The following CENPP variants were observed in gnomAD, a reference collection of about 807,000 sequenced individuals.
CENPP encodes centromere protein P.
In CENPP, 24 loss-of-function variants were observed where a neutral mutation model predicts 35.6. The ratio of observed to expected loss-of-function variants is 0.67; its 90% CI spans 0.49 to 0.95. The LOEUF (loss-of-function observed/expected upper bound fraction) is 0.95, where lower values mean the gene tolerates loss of function less well. CENPP is among the 40% of genes least tolerant of loss of function. The pLI is 0.00. For missense variants in CENPP, 332 were observed against 345.3 expected, an observed-to-expected ratio of 0.96 and a Z score of 0.31; for synonymous variants, 120 against 125.5, an observed-to-expected ratio of 0.96 and a Z score of 0.29.
chr9:92,563,527 C>A (rs368644671), intron 5 of CENPP, among the ~76,000 whole-genome samples: 1 of 152,122 alleles, frequency 6.6e-6, no homozygotes, highest in Non-Finnish European at 1.5e-5. Flanking sequence ...ACAGTGTGAT[C>A]ATTTCTGTGA....
At chr9:92,515,841 A>C (rs1174694756) in intron 5 of CENPP, among the ~76,000 whole-genome samples, 2 of 152,218 alleles carry the variant, frequency 1.3e-5, no homozygotes, top group Admixed American at 1.3e-4. Flanking sequence ...TACAAATGAC[A>C]TTCTGGACTT....
At chr9:92,473,720 G>T (rs1845609507) in intron 5 of CENPP, among the ~76,000 whole-genome samples, 1 of 152,092 alleles carries the variant, frequency 6.6e-6, no homozygotes, top group Admixed American at 6.5e-5. Flanking sequence ...GCTCGTATTA[G>T]TCTCCCCTTT....
intron 5 of CENPP, among the ~76,000 whole-genome samples, chr9:92,588,200 A>G (rs1850584678): frequency 6.6e-6 from 1 of 152,080 alleles, no homozygotes; most frequent in Non-Finnish European, 1.5e-5. Context: ...TATAAAAATA[A>G]AAATTTAAAG....
rs61738525 is a variant in CENPP at position 92,457,429 on chromosome 9, T to C, written c.564+77570T>C. On this transcript the variant is annotated intron_variant, in intron 5 of 7. Transcript: ENST00000375587. ...AAGATTTCTTCATCTTTGGCACTGTTGGACAGAAGTCATTTACTCCCACTC... is the reference window on the plus strand; with the variant it reads ...AAGATTTCTTCATCTTTGGCACTGTCGGACAGAAGTCATTTACTCCCACTC... 6.0e-4 allele frequency: 975 copies of C among 1,613,820 alleles called. 6 individuals carry two copies. In the African/African-American group the frequency reaches 0.011, roughly 18 times the overall value.
intron 5 of CENPP, chr9:92,457,303 C>G: frequency 1.2e-6 from 2 of 1,613,810 alleles, no homozygotes; most frequent in Non-Finnish European, 1.7e-6. Context: ...TTCCAAAGTT[C>G]CCAAGCTGAA....
intron 5 of CENPP, among the ~76,000 whole-genome samples, chr9:92,599,750 T>C (rs972331456): frequency 1.3e-5 from 2 of 152,130 alleles, no homozygotes; most frequent in African/African-American, 2.4e-5. Context: ...TTTCCTCCTG[T>C]TTCTCAGAGT....
chr9:92,428,134 A>C (rs748860451), intron 5 of CENPP, among the ~76,000 whole-genome samples: 1 of 152,200 alleles, frequency 6.6e-6, no homozygotes, highest in African/African-American at 2.4e-5. Flanking sequence ...CTCTTAGTCT[A>C]TCTGCTCCCA....
intron 5 of CENPP, among the ~76,000 whole-genome samples, chr9:92,506,565 G>A (rs1000568103): frequency 6.6e-6 from 1 of 152,158 alleles, no homozygotes; most frequent in Non-Finnish European, 1.5e-5. Context: ...CCCTTCATGG[G>A]CATTGCACCG....
Position 92,619,121 on chromosome 9 carries a change from C to A in CENPP, c.*5972C>A, listed in dbSNP as rs761956373. On this transcript the variant is annotated 3_prime_UTR_variant, in exon 8 of 8. Coordinates refer to ENST00000375587, the MANE Select transcript of CENPP (RefSeq NM_001012267.3). The stretch of plus-strand genomic sequence containing the variant: ...GCGCCATGCTGCCACTGTGGGAGAC[C>A]GAGGAACAAGGGCCACAGGTACCCA... 1.3e-5 allele frequency: 3 copies of A among 237,538 alleles called. No individual in the cohort carries two copies. The highest frequency in any genetic ancestry group is 8.4e-6 in the Non-Finnish European group (1 of 119,440). 14.7% of individuals were successfully genotyped at this position (237,538 alleles called of 1,614,324 possible). A position where few individuals can be genotyped will look rare whatever the true frequency, so the allele number is the denominator to read the frequency against.
chr9:92,438,198 T>A (rs1844295088), intron 5 of CENPP, among the ~76,000 whole-genome samples: 1 of 152,230 alleles, frequency 6.6e-6, no homozygotes, highest in African/African-American at 2.4e-5. Flanking sequence ...TTTTCCTGTT[T>A]CTTCCAGAAG....
intron 5 of CENPP, among the ~76,000 whole-genome samples, chr9:92,453,525 T>C (rs1844779052): frequency 6.6e-6 from 1 of 152,182 alleles, no homozygotes; most frequent in Non-Finnish European, 1.5e-5. Flanking sequence ...TCCAACTATA[T>C]GGTCAATTTT....
At chr9:92,479,486 C>G (rs1845835202) in intron 5 of CENPP, among the ~76,000 whole-genome samples, 1 of 152,116 alleles carries the variant, frequency 6.6e-6, no homozygotes, top group Admixed American at 6.5e-5. Context: ...GAGATGAAGA[C>G]CTTTGAAACA....
At chr9:92,600,219 A>G in intron 5 of CENPP, 1 of 1,249,622 alleles carries the variant, frequency 8.0e-7, no homozygotes, top group Non-Finnish European at 1.0e-6. Context: ...GTTCCATACA[A>G]GAACAGAAGG....
chr9:92,325,971 C>A lies in CENPP; in HGVS notation c.-28C>A, dbSNP rs376393383. ...GCAGGTCGGAGTGACAGCTGCGCTG[C>A]CGGCCCGGCTGCGGTCAGCAACGCG... On this transcript the variant is annotated 5_prime_UTR_variant, in exon 1 of 8. Transcript: ENST00000375587. 1,682 of 1,536,754 alleles carry A rather than the reference C, an allele frequency of 1.1e-3. 7 individuals are homozygous for A. The Middle Eastern group carries it at 0.02, about 18-fold the overall frequency.
intron 5 of CENPP, among the ~76,000 whole-genome samples, chr9:92,594,631 C>A (rs1461869957): frequency 6.6e-6 from 1 of 152,022 alleles, no homozygotes; most frequent in Non-Finnish European, 1.5e-5. Flanking sequence ...TAACCATCAG[C>A]TCTTGATGTA....
At chr9:92,471,255 G>A (rs1321478983) in intron 5 of CENPP, among the ~76,000 whole-genome samples, 1 of 150,756 alleles carries the variant, frequency 6.6e-6, no homozygotes, top group Non-Finnish European at 1.5e-5. Context: ...GGAGTGCAGT[G>A]GCATGATCTT....
At chr9:92,501,034 G>T (rs575737141) in intron 5 of CENPP, 1 of 1,612,758 alleles carries the variant, frequency 6.2e-7, no homozygotes, top group East Asian at 2.2e-5. Flanking sequence ...TTGTAGGAGA[G>T]ATCAATGGAT....
rs986441697 is a variant in CENPP, at chr9:92,379,351, A to G, written c.468-412A>G. 3.9e-5 allele frequency among the ~76,000 whole-genome samples: 6 copies of G among 152,336 alleles called. No individual in the cohort carries two copies. In the East Asian group the frequency reaches 5.8e-4, roughly 15 times the overall value. ...CAGCCTCCAGTCTGCAATACGTAGA[A>G]GCCACTATGAGACAACTCATTAGCA... is the stretch of plus-strand genomic sequence containing the variant. On this transcript the variant is annotated intron_variant, in intron 4 of 7. Transcript: ENST00000375587.
At chr9:92,522,600 T>A (rs1433292434) in intron 5 of CENPP, 2 of 1,613,436 alleles carry the variant, frequency 1.2e-6, no homozygotes, top group South Asian at 2.2e-5. Context: ...AACTTGATTC[T>A]ACTCCAGGAA....
Sources: allele counts gnomAD v4.1 joint callset (sites outside exome capture counted in the v4.1 genomes callset), GRCh38; gene constraint gnomAD v4.1.1; transcripts MANE v1.5; gene names NCBI Gene and HGNC (gene_info 2026-07-23, HGNC 2026-07-21).